Variants in NFKBIZ observed in about 807,000 individuals in gnomAD.
The protein encoded by NFKBIZ is NF-kappa-B inhibitor zeta.
A neutral mutation model predicts 76.8 loss-of-function variants in NFKBIZ; 19 were observed. The observed-to-expected ratio is 0.25, with a 90% CI of 0.17 to 0.36. The LOEUF (loss-of-function observed/expected upper bound fraction) is 0.36, where lower values mean the gene tolerates loss of function less well. NFKBIZ is among the 10% of genes least tolerant of loss of function. The pLI, the probability that NFKBIZ is intolerant of heterozygous loss-of-function variation, is 1.00. For missense variants in NFKBIZ, 829 were observed against 910.9 expected, an observed-to-expected ratio of 0.91 and a Z score of 1.16; for synonymous variants, 368 against 354.8, an observed-to-expected ratio of 1.04 and a Z score of -0.42.
Position 101,859,434 on chromosome 3 carries a change from G to A in NFKBIZ, c.*63G>A. 1.5e-6 allele frequency: 2 copies of A among 1,349,200 alleles called. No homozygotes were observed. Among genetic ancestry groups the A allele is most frequent in the Non-Finnish European group, 2.1e-6 (2 of 943,846 alleles). 83.6% of individuals were successfully genotyped at this position (1,349,200 alleles called of 1,614,324 possible). A position where few individuals can be genotyped will look rare whatever the true frequency, so the allele number is the denominator to read the frequency against. On this transcript the variant is annotated 3_prime_UTR_variant, in exon 12 of 12. Transcript: ENST00000326172. ...TCAGTTAGGCAGTCCTGATGTATCTGTACATAGACCATTTGCCTTATATTG... is the reference window on the plus strand; with the variant it reads ...TCAGTTAGGCAGTCCTGATGTATCTATACATAGACCATTTGCCTTATATTG...
chr3:101,843,394 A>G (rs944824809), intron 2 of NFKBIZ, among the ~76,000 whole-genome samples: 3 of 152,152 alleles, frequency 2.0e-5, no homozygotes, highest in Non-Finnish European at 4.4e-5. Flanking sequence ...AATGAGCTAT[A>G]ATCATGCCAT....
chr3:101,859,552 C>G lies in NFKBIZ; in HGVS notation c.*181C>G. 1 of 423,296 alleles carries G rather than the reference C, an allele frequency of 2.4e-6. No homozygotes were observed. Among genetic ancestry groups the G allele is most frequent in the Non-Finnish European group, 4.3e-6 (1 of 233,188 alleles). 26.2% of individuals were successfully genotyped at this position (423,296 alleles called of 1,614,324 possible). The stretch of plus-strand genomic sequence containing the variant: ...AGAAAAGAAGAAAAATATCTAATTT[C>G]TCTTGGCAGATTTGCATATTTCATA... On this transcript the variant is annotated 3_prime_UTR_variant, in exon 12 of 12. Coordinates refer to ENST00000326172, the MANE Select transcript of NFKBIZ (RefSeq NM_031419.4).
At chr3:101,843,390 C>G (rs192878109) in intron 2 of NFKBIZ, among the ~76,000 whole-genome samples, 43 of 152,246 alleles carry the variant, frequency 2.8e-4, no homozygotes, top group African/African-American at 1.0e-3. Flanking sequence ...TTACAATGAG[C>G]TATAATCATG....
chr3:101,847,932 C>T (rs1262574963), upstream of NFKBIZ, among the ~76,000 whole-genome samples: 1 of 152,228 alleles, frequency 6.6e-6, no homozygotes, highest in Non-Finnish European at 1.5e-5. Context: ...GCCCTGTTCA[C>T]CTGGTCGTGG....
Position 101,849,931 on chromosome 3 carries a change from C to A in NFKBIZ, c.289+14C>A. ...AGCGCCAGCCAGGTACCCGCCGGCC[C>A]CGCACCGCTGCGTACTCGGGGCGCG... is the stretch of plus-strand genomic sequence containing the variant. On this transcript the variant is annotated intron_variant, in intron 1 of 11. Transcript: ENST00000326172. The A allele has an allele frequency of 7.2e-7, 1 of 1,383,046 alleles. No individual in the cohort carries two copies. Among genetic ancestry groups the A allele is most frequent in the Admixed American group, 3.6e-5 (1 of 28,092 alleles). The allele number at this position is 1,383,046 out of a possible 1,614,324, so 85.7% of individuals were successfully genotyped here.
chr3:101,831,203 A>G (rs1467433488), intron 2 of NFKBIZ, among the ~76,000 whole-genome samples: 1 of 152,188 alleles, frequency 6.6e-6, no homozygotes, highest in East Asian at 1.9e-4. Context: ...GGGTGATATT[A>G]TCTCCAAGAG....
At chr3:101,844,638 T>C (rs1294848665), upstream of NFKBIZ, among the ~76,000 whole-genome samples, 2 of 152,168 alleles carry the variant, frequency 1.3e-5, no homozygotes, top group Non-Finnish European at 2.9e-5. Context: ...ATAACCGAAA[T>C]AGCAAGTCCA....
At chr3:101,852,245 T>C (rs368932101) in intron 2 of NFKBIZ, 21 bp downstream of exon 2, 234 of 1,612,692 alleles carry the variant, frequency 1.5e-4, no homozygotes, top group Non-Finnish European at 1.8e-4. Flanking sequence ...TTTTTCTGTT[T>C]TGAGTATAGA....
chr3:101,836,052 T>A (rs1942716391), intron 2 of NFKBIZ, among the ~76,000 whole-genome samples: 1 of 152,172 alleles, frequency 6.6e-6, no homozygotes, highest in African/African-American at 2.4e-5. Context: ...GTAGAAACAG[T>A]CAAATCTTTA....
intron 2 of NFKBIZ, among the ~76,000 whole-genome samples, chr3:101,831,009 T>C (rs1942640085): frequency 6.6e-6 from 1 of 152,248 alleles, no homozygotes; most frequent in Non-Finnish European, 1.5e-5. Context: ...TTTTCACTGT[T>C]TGTTCAGATA....
chr3:101,839,868 G>C (rs1369927796), intron 2 of NFKBIZ, among the ~76,000 whole-genome samples: 1 of 152,058 alleles, frequency 6.6e-6, no homozygotes, highest in African/African-American at 2.4e-5. Context: ...TTTTCTTCCT[G>C]AAAACTGAGA....
chr3:101,856,302 G>A (rs186836636), intron 9 of NFKBIZ, among the ~76,000 whole-genome samples: 1 of 152,190 alleles, frequency 6.6e-6, no homozygotes, highest in African/African-American at 2.4e-5. Flanking sequence ...TGCCCGCCTC[G>A]GCCTCCCGAA....
chr3:101,857,200 A>G lies in NFKBIZ; in HGVS notation c.1935+17A>G. ...AATGCAAAGGTACACCAGAGTTGGA[A>G]TGGCCTTCTGTACACCCTCTCAAAG... On this transcript the variant is annotated intron_variant, in intron 10 of 11. Coordinates refer to ENST00000326172, the MANE Select transcript of NFKBIZ (RefSeq NM_031419.4). The G allele has an allele frequency of 6.3e-6, 1 of 157,774 alleles. No homozygotes were observed. The highest frequency in any genetic ancestry group is 9.3e-6 in the Non-Finnish European group (1 of 107,680). The allele number at this position is 157,774 out of a possible 1,614,324, so 9.8% of individuals were successfully genotyped here. A position where few individuals can be genotyped will look rare whatever the true frequency, so the allele number is the denominator to read the frequency against.
In NFKBIZ at chr3:101,851,948, A is replaced by C. The variant is rs537450265; in HGVS notation, c.290-137A>C. On this transcript the variant is annotated intron_variant, in intron 1 of 11. Transcript: ENST00000326172. ...GGACTCACAAGGCCATTGATTGACC[A>C]GAGCAAGTTGGAAAGGTTTTGCAAT... 1.0e-5 allele frequency: 10 copies of C among 978,622 alleles called. No individual in the cohort carries two copies. The East Asian group carries it at 2.1e-4, about 20-fold the overall frequency. 60.6% of individuals were successfully genotyped at this position (978,622 alleles called of 1,614,324 possible).
intron 2 of NFKBIZ, among the ~76,000 whole-genome samples, chr3:101,835,104 A>G (rs761183658): frequency 6.6e-6 from 1 of 152,180 alleles, no homozygotes; most frequent in Non-Finnish European, 1.5e-5. Context: ...TAGGCATCTC[A>G]TGACACTACC....
rs779513165 is a variant in NFKBIZ at position 101,853,249 on chromosome 3, C to T, written c.723C>T (p.Asn241=). The T allele has an allele frequency of 4.3e-6, 7 of 1,614,008 alleles. No homozygotes were observed. The highest frequency in any genetic ancestry group is 4.5e-5 in the East Asian group (2 of 44,898). The change falls in exon 5 of 12, where the codon AAC becomes AAT. Residue 241 remains asparagine (N), a synonymous_variant. Transcript: ENST00000326172. ...ACACAGTTCAAGTTAGCTGGCTGAA[C>T]CCCGTGGTGGTCCCTCAGAGCTCCC... The part of the protein sequence containing the change: ...SLNTVQVSWL[N]PVVVPQSSPA...
intron 2 of NFKBIZ, among the ~76,000 whole-genome samples, chr3:101,836,716 A>C (rs1026370683): frequency 6.6e-6 from 1 of 152,176 alleles, no homozygotes; most frequent in Non-Finnish European, 1.5e-5. Flanking sequence ...TCTTTTAATA[A>C]ATGAACGTAC....
Position 101,853,750 on chromosome 3 carries a change from G to T in NFKBIZ, c.1224G>T (p.Met408Ile). ...CATTCTCAAACATGGGAAATCCAAT[G>T]AACACCACACAGTTAGGGAAATCAC... The part of the protein sequence containing the change: ...SLPFSNMGNP[M>I]NTTQLGKSLF... Residue 408 changes from methionine (M) to isoleucine (I), a missense_variant, in exon 5 of 12, where the codon ATG becomes ATT. Around this residue, in one of 4 missense-constraint regions of NFKBIZ, gnomAD observed 272 missense variants for 384.2 expected, o/e 0.71. Transcript: ENST00000326172. 3.7e-6 allele frequency: 6 copies of T among 1,614,200 alleles called. No homozygotes were observed. Among genetic ancestry groups the T allele is most frequent in the Non-Finnish European group, 5.1e-6 (6 of 1,180,038 alleles).
At position 101,853,834 on chromosome 3, in the gene NFKBIZ, G is replaced by A. The variant is rs1488292631; in HGVS notation, c.1308G>A (p.Gln436=). ...ESKLANISQD[Q]FLSKDADGDT... ...AATTGGCAAATATTTCCCAAGACCA[G>A]TTTCTTTCAAAGGATGCAGATGGTG... Residue 436 remains glutamine (Q), a synonymous_variant, in exon 5 of 12, where the codon CAG becomes CAA. Coordinates refer to ENST00000326172, the MANE Select transcript of NFKBIZ (RefSeq NM_031419.4). 6.2e-7 allele frequency: 1 copy of A among 1,613,254 alleles called. No individual in the cohort carries two copies. The highest frequency in any genetic ancestry group is 8.5e-7 in the Non-Finnish European group (1 of 1,179,992).
Sources: allele counts gnomAD v4.1 joint callset (sites outside exome capture counted in the v4.1 genomes callset), GRCh38; gene constraint gnomAD v4.1.1; regional missense constraint gnomAD v4.1.1; transcripts MANE v1.5; gene names NCBI Gene and HGNC (gene_info 2026-07-23, HGNC 2026-07-21).